The following PRH1 variants were observed in gnomAD, a reference collection of about 807,000 sequenced individuals.
PRH1 encodes the protein salivary acidic proline-rich phosphoprotein 1/2.
Under a neutral mutation model 7.9 loss-of-function variants are expected in PRH1, and 7 were observed. The observed-to-expected ratio is 0.89, with a 90% CI of 0.50 to 1.67. PRH1 has a LOEUF of 1.67. Among genes scored for constraint, PRH1 ranks in the 40% most tolerant of loss-of-function variants. The probability of loss-of-function intolerance (pLI) is 0.00; values close to 1 mark genes in which losing one functional copy is unlikely to be tolerated. For synonymous variants in PRH1, 45 were observed against 80.8 expected (o/e 0.56, Z 2.38); for missense variants, 109 against 223.6 (o/e 0.49, Z 3.27).
chr12:10,930,754 C>A lies in PRH1; in HGVS notation c.-59+42901G>T, dbSNP rs200972880. The A allele has an allele frequency of 3.8e-5, 61 of 1,601,282 alleles. 2 individuals are homozygous for A. The highest frequency in any genetic ancestry group is 4.6e-5 in the Non-Finnish European group (54 of 1,171,680). On this transcript the variant is annotated intron_variant, in intron 2 of 3. Coordinates refer to the PRH1 transcript ENST00000539853. ...TCAACCCTCTGCTGGTGATGGGAAC[C>A]AGAATGATGGCCCTCAGCAGGGACC...
chr12:11,144,994 G>C (rs867591075), intron 1 of PRH1, among the ~76,000 whole-genome samples: 3 of 152,148 alleles, frequency 2.0e-5, no homozygotes, highest in African/African-American at 7.2e-5. Flanking sequence ...GGATCTGTGG[G>C]TCCTCTTGGG....
At chr12:10,965,468 C>G in intron 2 of PRH1, 1 of 407,070 alleles carries the variant, frequency 2.5e-6, no homozygotes, top group Non-Finnish European at 4.4e-6. Context: ...CAGTAACATT[C>G]TTTTTACTTT....
chr12:10,936,598 C>T (rs547463187), intron 2 of PRH1, among the ~76,000 whole-genome samples: 9 of 152,134 alleles, frequency 5.9e-5, no homozygotes, highest in Non-Finnish European at 1.0e-4. Context: ...ATCAAACCCC[C>T]AGTTACCAGG....
chr12:10,892,251 T>C (rs866197329), intron 2 of PRH1, among the ~76,000 whole-genome samples: 1 of 152,122 alleles, frequency 6.6e-6, no homozygotes, highest in East Asian at 1.9e-4. Context: ...CATGGAGAAT[T>C]TTTTTCCCAA....
chr12:10,915,193 GTTGT>G (rs1949956607), intron 2 of PRH1, among the ~76,000 whole-genome samples: 1 of 152,120 alleles, frequency 6.6e-6, no homozygotes. Flanking sequence ...CAAGGGTATG[GTTGT>G]TACATCCATG....
chr12:11,132,103 G>A (rs1162756392), intron 1 of PRH1, among the ~76,000 whole-genome samples: 1 of 152,006 alleles, frequency 6.6e-6, no homozygotes, highest in African/African-American at 2.4e-5. Context: ...ATAACACCAA[G>A]AATTAATACA....
At chr12:11,151,011 G>T (rs1044412387) in intron 1 of PRH1, among the ~76,000 whole-genome samples, 35 of 152,156 alleles carry the variant, frequency 2.3e-4, no homozygotes, top group African/African-American at 8.4e-4. Context: ...ACAGGCCTTT[G>T]AAACTGGAGT....
intron 1 of PRH1, among the ~76,000 whole-genome samples, chr12:11,170,502 G>A (rs1054901760): frequency 2.6e-5 from 4 of 152,172 alleles, no homozygotes; most frequent in Non-Finnish European, 4.4e-5. Flanking sequence ...AGCCGAGATC[G>A]CGCCACTGCA....
intron 1 of PRH1, among the ~76,000 whole-genome samples, chr12:11,160,276 TAATTC>T (rs1174253763): frequency 6.6e-6 from 1 of 152,228 alleles, no homozygotes; most frequent in African/African-American, 2.4e-5. Context: ...AAATTATTCA[TAATTC>T]AAGAATTTCA....
chr12:11,061,531 A>G, intron 1 of PRH1: 1 of 1,614,136 alleles, frequency 6.2e-7, no homozygotes, highest in South Asian at 1.1e-5. Flanking sequence ...TTTGTTTTCC[A>G]GACTCTCAAA....
Position 11,001,087 on chromosome 12 carries a change from T to C in PRH1, c.-125-27366A>G, listed in dbSNP as rs540730558. On this transcript the variant is annotated intron_variant, in intron 1 of 3. Transcript: ENST00000539853. ...CCAAGACTTTGGTCACAAAATAGAA[T>C]AAAAGCTTGGTCTACACATCCTTCC... 2.8e-3 allele frequency among the ~76,000 whole-genome samples: 433 copies of C among 152,158 alleles called. 3 individuals carry two copies. The highest frequency in any genetic ancestry group is 6.8e-3 in the Middle Eastern group (2 of 292).
At chr12:10,896,434 G>A (rs1271401942) in intron 2 of PRH1, among the ~76,000 whole-genome samples, 1 of 152,140 alleles carries the variant, frequency 6.6e-6, no homozygotes, top group African/African-American at 2.4e-5. Flanking sequence ...GGAGAAAACT[G>A]CTCTCTGATA....
chr12:10,947,933 T>A (rs2135907416), intron 2 of PRH1, among the ~76,000 whole-genome samples: 1 of 152,290 alleles, frequency 6.6e-6, no homozygotes, highest in Non-Finnish European at 1.5e-5. Flanking sequence ...GATTTTTTTC[T>A]TTAAGAATGT....
intron 1 of PRH1, among the ~76,000 whole-genome samples, chr12:11,109,282 GAGC>G (rs1945519795): frequency 6.6e-6 from 1 of 152,204 alleles, no homozygotes; most frequent in Non-Finnish European, 1.5e-5. Context: ...ACTCTGAAAA[GAGC>G]AGCAGATCTC....
At chr12:11,037,917 C>T (rs1942509800) in intron 1 of PRH1, among the ~76,000 whole-genome samples, 1 of 152,128 alleles carries the variant, frequency 6.6e-6, no homozygotes, top group Admixed American at 6.5e-5. Context: ...TGGTGCACAC[C>T]TGTTGTCCTA....
chr12:11,021,257 A>C (rs1407161661), intron 1 of PRH1, among the ~76,000 whole-genome samples: 2 of 152,178 alleles, frequency 1.3e-5, no homozygotes, highest in Non-Finnish European at 2.9e-5. Flanking sequence ...CATCCAAAAA[A>C]TTAGAGGTTC....
intron 1 of PRH1, among the ~76,000 whole-genome samples, chr12:11,043,577 TAAAC>T (rs1288681312): frequency 2.0e-5 from 3 of 150,776 alleles, no homozygotes; most frequent in Admixed American, 6.6e-5. Flanking sequence ...TTAGAATTGA[TAAAC>T]AAACTCAATA....
Position 11,090,363 on chromosome 12 carries a change from A to G in PRH1, n.124-43175T>C, listed in dbSNP as rs1160653515. 7.7e-5 allele frequency among the ~76,000 whole-genome samples: 9 copies of G among 117,044 alleles called. 3 individuals are homozygous for G. The highest frequency in any genetic ancestry group is 2.6e-4 in the African/African-American group (9 of 34,988). The allele number at this position is 117,044 out of a possible 152,430, so 76.8% of individuals were successfully genotyped here. A position where few individuals can be genotyped will look rare whatever the true frequency, so the allele number is the denominator to read the frequency against. On this transcript the variant is annotated intron_variant and non_coding_transcript_variant, in intron 1 of 4. Coordinates refer to the PRH1 transcript ENST00000541977. ...TTCTCTTATCTGAAGTTTAGAAGGA[A>G]TTTTACAAACGGAAGGTAAGGATAT...
At chr12:11,106,385 C>T (rs1048681504) in intron 1 of PRH1, among the ~76,000 whole-genome samples, 2 of 152,052 alleles carry the variant, frequency 1.3e-5, no homozygotes, top group Non-Finnish European at 2.9e-5. Context: ...GTAAAAATAG[C>T]CCTATTTTCC....
Sources: gnomAD v4.1 joint callset for allele counts (sites outside exome capture counted in the v4.1 genomes callset) on GRCh38, gnomAD v4.1.1 for gene constraint, MANE v1.5 for transcripts, NCBI Gene and HGNC (gene_info 2026-07-23, HGNC 2026-07-21) for gene names.